Variants in SLC12A1 observed in about 807,000 individuals in gnomAD.
The protein encoded by SLC12A1 is Na-K-2Cl cotransporter.
Under a neutral mutation model 130.4 loss-of-function variants are expected in SLC12A1, and 89 were observed. That is an observed-to-expected ratio of 0.68 (90% CI 0.58 to 0.81). The LOEUF is 0.81. Among genes scored for constraint, SLC12A1 ranks in the 40% least tolerant of loss-of-function variants. SLC12A1 has a pLI of 0.00. For missense variants in SLC12A1, 1,310 were observed against 1,336.4 expected, an observed-to-expected ratio of 0.98 and a Z score of 0.31; for synonymous variants, 499 against 460.0, an observed-to-expected ratio of 1.08 and a Z score of -1.09.
chr15:48,301,410 C>T, intron 26 of SLC12A1, 28 bp downstream of exon 26: 2 of 1,470,228 alleles, frequency 1.4e-6, no homozygotes, highest in Non-Finnish European at 1.9e-6. Flanking sequence ...CATTGAAGAA[C>T]ATTAGAAATA....
At chr15:48,221,385 A>G (rs1402135839) in intron 4 of SLC12A1, 2 of 701,546 alleles carry the variant, frequency 2.9e-6, no homozygotes, top group Non-Finnish European at 5.2e-6. Flanking sequence ...AACAAAAATA[A>G]CTTGTGAGAA....
chr15:48,232,723 C>T lies in SLC12A1; in HGVS notation c.976-4C>T. The T allele has an allele frequency of 6.3e-7, 1 of 1,575,662 alleles. No homozygotes were observed. Among genetic ancestry groups the T allele is most frequent in the East Asian group, 2.2e-5 (1 of 44,676 alleles). On this transcript the variant is annotated splice_region_variant and splice_polypyrimidine_tract_variant and intron_variant, in intron 7 of 26. Transcript: ENST00000380993. ...TTTGGTTTCCTTTTACCTTTCCATT[C>T]CAGGCCCAAGTCATTCTTCTGGTCA...
At chr15:48,285,678 C>G (rs2042049152) in intron 21 of SLC12A1, among the ~76,000 whole-genome samples, 1 of 152,170 alleles carries the variant, frequency 6.6e-6, no homozygotes, top group African/African-American at 2.4e-5. Flanking sequence ...AGCTGGAACG[C>G]TGATTTCAAC....
At chr15:48,227,049 A>C in intron 5 of SLC12A1, 1 of 1,496,658 alleles carries the variant, frequency 6.7e-7, no homozygotes, top group South Asian at 1.2e-5. Context: ...CAGTACTGGA[A>C]CCAAACACCT....
intron 18 of SLC12A1, among the ~76,000 whole-genome samples, chr15:48,268,228 C>T (rs957901556): frequency 6.6e-6 from 1 of 152,112 alleles, no homozygotes; most frequent in Non-Finnish European, 1.5e-5. Context: ...AACCTTAAAT[C>T]CCATAGTTCT....
intron 20 of SLC12A1, among the ~76,000 whole-genome samples, chr15:48,276,531 C>T (rs879690257): frequency 2.0e-5 from 3 of 152,156 alleles, no homozygotes; most frequent in Non-Finnish European, 2.9e-5. Context: ...CATGTGAAGA[C>T]ATGGTGAGAA....
intron 24 of SLC12A1, among the ~76,000 whole-genome samples, chr15:48,293,156 G>A (rs1277194850): frequency 3.3e-5 from 5 of 152,154 alleles, no homozygotes; most frequent in Non-Finnish European, 7.3e-5. Context: ...CCATCTGCCC[G>A]CCTTATCCTC....
chr15:48,217,253 A>G lies in SLC12A1; in HGVS notation c.421-3381A>G, dbSNP rs186620212. ...ATATGATATTCTCCAAAGATTAAGT[A>G]TATCTTTAAAATGTAAGGGTCCATC... On this transcript the variant is annotated intron_variant, in intron 2 of 26. Coordinates refer to ENST00000380993, the MANE Select transcript of SLC12A1 (RefSeq NM_000338.3). Among the ~76,000 whole-genome samples, 205 of 152,326 alleles carry G rather than the reference A, an allele frequency of 1.3e-3. 1 individual carries two copies. Among genetic ancestry groups the G allele is most frequent in the African/African-American group, 4.6e-3 (193 of 41,576 alleles).
intron 21 of SLC12A1, among the ~76,000 whole-genome samples, chr15:48,286,073 G>A (rs2042054114): frequency 6.6e-6 from 1 of 152,220 alleles, no homozygotes; most frequent in Non-Finnish European, 1.5e-5. Flanking sequence ...GGATCCAAGT[G>A]GAGACTTAGC....
intron 17 of SLC12A1, among the ~76,000 whole-genome samples, chr15:48,266,100 C>T (rs548734771): frequency 1.3e-5 from 2 of 152,176 alleles, no homozygotes; most frequent in Non-Finnish European, 2.9e-5. Flanking sequence ...GACATACAGG[C>T]TATCATATTG....
chr15:48,276,245 C>T lies in SLC12A1; in HGVS notation c.2485+1592C>T, dbSNP rs142106696. ...AAACAATCTCCTCTGGGAAATCCTA[C>T]GGGAAATGTCTAATAGGCAGTTAGA... On this transcript the variant is annotated intron_variant, in intron 20 of 26. Coordinates refer to ENST00000380993, the MANE Select transcript of SLC12A1 (RefSeq NM_000338.3). Among the ~76,000 whole-genome samples, 184 of 152,134 alleles carry T rather than the reference C, an allele frequency of 1.2e-3. 1 individual carries two copies. Among genetic ancestry groups the T allele is most frequent in the Admixed American group, 0.01 (153 of 15,276 alleles).
At chr15:48,232,660 C>T in intron 7 of SLC12A1, 67 bp from the exon 8 acceptor site, 1 of 1,031,890 alleles carries the variant, frequency 9.7e-7, no homozygotes, top group Non-Finnish European at 1.5e-6. Context: ...ACACTTCTAA[C>T]TTTTATAATT....
rs763203301 is a variant in SLC12A1 at position 48,226,470 on chromosome 15, T to A, written c.629-6T>A. 16 of 1,541,388 alleles carry A rather than the reference T, an allele frequency of 1.0e-5. No individual in the cohort carries two copies. In the East Asian group the frequency reaches 3.4e-4, roughly 33 times the overall value. ...TGCAATATCTTCTATCTTTCATTGC[T>A]AACAGGTCTTGGAGTTCTCATAATT... On this transcript the variant is annotated splice_polypyrimidine_tract_variant and splice_region_variant and intron_variant, in intron 4 of 26. Transcript: ENST00000380993.
At chr15:48,280,548 T>A (rs1428564459) in intron 20 of SLC12A1, among the ~76,000 whole-genome samples, 1 of 152,180 alleles carries the variant, frequency 6.6e-6, no homozygotes, top group Non-Finnish European at 1.5e-5. Flanking sequence ...GATCTCTATC[T>A]ATCTATCTCT....
In SLC12A1 at chr15:48,208,056, G is replaced by C. The variant is rs1176522570; in HGVS notation, c.337G>C (p.Glu113Gln). ...HNTMDAVPKI[E>Q]YYRNTGSISG... ...CACCATGGATGCCGTTCCCAAGATA[G>C]AGTACTATCGTAACACCGGCAGCAT... is the stretch of plus-strand genomic sequence containing the variant. The change falls in exon 2 of 27, where the codon GAG (glutamate) becomes CAG (glutamine). Residue 113 changes from glutamate to glutamine, a missense_variant. By Grantham distance (29) the Glu-to-Gln change is conservative. Transcript: ENST00000380993. 8 of 1,613,804 alleles carry C rather than the reference G, an allele frequency of 5.0e-6. No homozygotes were observed. Among genetic ancestry groups the C allele is most frequent in the Non-Finnish European group, 5.1e-6 (6 of 1,179,874 alleles).
chr15:48,285,341 G>A, intron 21 of SLC12A1, 92 bp downstream of exon 21: 1 of 1,265,266 alleles, frequency 7.9e-7, no homozygotes, highest in South Asian at 1.4e-5. Flanking sequence ...CTAAGATGTT[G>A]GGAGCATTGA....
chr15:48,287,060 G>A (rs554215225), intron 21 of SLC12A1, among the ~76,000 whole-genome samples: 1 of 152,308 alleles, frequency 6.6e-6, no homozygotes, highest in South Asian at 2.1e-4. Context: ...GATCAGAGAG[G>A]AAGCTCTGAA....
chr15:48,272,295 T>C (rs1220316924), intron 19 of SLC12A1, among the ~76,000 whole-genome samples: 1 of 152,254 alleles, frequency 6.6e-6, no homozygotes, highest in Non-Finnish European at 1.5e-5. Context: ...TTTGTGGCTT[T>C]ATGACTTAAA....
chr15:48,267,692 T>C lies in SLC12A1; in HGVS notation c.2286T>C (p.Ser762=), dbSNP rs745600422. The C allele has an allele frequency of 6.2e-7, 1 of 1,613,282 alleles. No individual in the cohort carries two copies. The highest frequency in any genetic ancestry group is 8.5e-7 in the Non-Finnish European group (1 of 1,179,398). Residue 762 remains serine (S), a synonymous_variant, in exon 18 of 27, where the codon AGT becomes AGC. Coordinates refer to ENST00000380993, the MANE Select transcript of SLC12A1 (RefSeq NM_000338.3). ...ACTGTTTCAGGGATGGTGTCCGAAG[T>C]CTTCTTCAGGTAAGGCTGCATTGAG... is the stretch of plus-strand genomic sequence containing the variant. ...AADCFRDGVR[S]LLQASGLGRM...
Sources: allele counts gnomAD v4.1 joint callset (sites outside exome capture counted in the v4.1 genomes callset), GRCh38; gene constraint gnomAD v4.1.1; transcripts MANE v1.5; gene names NCBI Gene and HGNC (gene_info 2026-07-23, HGNC 2026-07-21).